API5: variants seen among roughly 807,000 people sequenced by gnomAD.
The protein encoded by API5 is apoptosis inhibitor 5, also known as FIF.
API5 carries 6 observed loss-of-function variants against 71.9 expected under a neutral mutation model. The observed-to-expected ratio is 0.08, with a 90% CI of 0.05 to 0.16. The LOEUF is 0.16. Ranked by LOEUF, API5 falls within the 10% of genes least tolerant of loss-of-function variation. The pLI, the probability that API5 is intolerant of heterozygous loss-of-function variation, is 1.00. For synonymous variants in API5, 189 were observed against 221.3 expected, an observed-to-expected ratio of 0.85 and a Z score of 1.30; for missense variants, 332 against 612.8, an observed-to-expected ratio of 0.54 and a Z score of 4.84.
rs767990325 is a variant in API5, at chr11:43,330,573, G to T, written c.1278+9G>T. 5 of 1,553,424 alleles carry T rather than the reference G, an allele frequency of 3.2e-6. No homozygotes were observed. The South Asian group carries it at 4.5e-5, about 14-fold the overall frequency. Reference sequence around the variant, plus strand: ...TCAATGTTTTAATCAAGGTAAGTCTGTAATACCAAGTGACATTTCTGCAGT... The same window carrying T: ...TCAATGTTTTAATCAAGGTAAGTCTTTAATACCAAGTGACATTTCTGCAGT... On this transcript the variant is annotated intron_variant, in intron 11 of 13. Coordinates refer to ENST00000531273, the MANE Select transcript of API5 (RefSeq NM_001142930.2).
chr11:43,328,558 T>C (rs1268257918), intron 8 of API5, among the ~76,000 whole-genome samples, 154 bp from the exon 9 acceptor site: 2 of 152,198 alleles, frequency 1.3e-5, no homozygotes, highest in South Asian at 2.1e-4. Context: ...GGCTAGAGCA[T>C]TGATCCAGTA....
chr11:43,343,931 G>A lies in API5; in HGVS notation c.*1421G>A, dbSNP rs1855702802. 6.6e-6 allele frequency: 1 copy of A among 152,596 alleles called. No individual in the cohort carries two copies. The highest frequency in any genetic ancestry group is 1.5e-5 in the Non-Finnish European group (1 of 68,046). The allele number at this position is 152,596 out of a possible 1,614,324, so 9.5% of individuals were successfully genotyped here. ...TCATTACCATTACCTCTACACTGCA[G>A]AAGAAGCAAAACTCCTTTATTAGAA... is the stretch of plus-strand genomic sequence containing the variant. On this transcript the variant is annotated 3_prime_UTR_variant, in exon 14 of 14. Coordinates refer to ENST00000531273, the MANE Select transcript of API5 (RefSeq NM_001142930.2).
Position 43,342,747 on chromosome 11 carries a change from A to G in API5, c.*237A>G, listed in dbSNP as rs1315019004. On this transcript the variant is annotated 3_prime_UTR_variant, in exon 14 of 14. Transcript: ENST00000531273. ...TGCAATCTTGACTTGTTTTTGCAGT[A>G]TCATTATTCAGACTTCAAATTGTGA... 3 of 637,934 alleles carry G rather than the reference A, an allele frequency of 4.7e-6. No individual in the cohort carries two copies. The highest frequency in any genetic ancestry group is 8.5e-6 in the Non-Finnish European group (3 of 354,892). The allele number at this position is 637,934 out of a possible 1,614,324, so 39.5% of individuals were successfully genotyped here.
At chr11:43,335,429 G>A in intron 12 of API5, 75 bp downstream of exon 12, 1 of 886,560 alleles carries the variant, frequency 1.1e-6, no homozygotes, top group South Asian at 1.5e-5. Flanking sequence ...TCAAAAGGGT[G>A]CAATGTTAAA....
intron 11 of API5, among the ~76,000 whole-genome samples, chr11:43,333,323 G>T (rs1855320010): frequency 6.6e-6 from 1 of 151,970 alleles, no homozygotes; most frequent in Non-Finnish European, 1.5e-5. Flanking sequence ...AAAGTCTCAG[G>T]GTCCAATTAA....
At chr11:43,341,566 C>T (rs566609593) in intron 13 of API5, among the ~76,000 whole-genome samples, 6 of 151,918 alleles carry the variant, frequency 3.9e-5, no homozygotes, top group South Asian at 2.1e-4. Flanking sequence ...ATTAGGACAG[C>T]GCATACTAGA....
In API5 at chr11:43,327,866, T is replaced by C. The variant is rs1565106937; in HGVS notation, c.933T>C (p.Phe311=). The C allele has an allele frequency of 1.2e-6, 2 of 1,610,840 alleles. No individual in the cohort carries two copies. Among genetic ancestry groups the C allele is most frequent in the Non-Finnish European group, 1.7e-6 (2 of 1,177,888 alleles). The change falls in exon 8 of 14, where the codon TTT becomes TTC. Residue 311 remains phenylalanine, a synonymous_variant. Transcript: ENST00000531273. The stretch of plus-strand genomic sequence containing the variant: ...TAGAAACAAATTTAAGGAAACTATT[T>C]GATAAGTTATTGGTAAGAACTTTTT... ...EKLETNLRKL[F]DKLLEYMPLP...
intron 7 of API5, among the ~76,000 whole-genome samples, chr11:43,326,905 A>G (rs1271087875): frequency 6.6e-6 from 1 of 152,232 alleles, no homozygotes; most frequent in Non-Finnish European, 1.5e-5. Flanking sequence ...CATAACTGAC[A>G]GAGCCAATTT....
At chr11:43,337,531 T>C (rs1275217258) in intron 13 of API5, among the ~76,000 whole-genome samples, 1 of 152,224 alleles carries the variant, frequency 6.6e-6, no homozygotes, top group African/African-American at 2.4e-5. Flanking sequence ...GGATGATCAC[T>C]GAACTCTCTT....
chr11:43,319,067 C>T (rs145152556), intron 2 of API5: 198 of 360,932 alleles, frequency 5.5e-4, no homozygotes, highest in African/African-American at 3.5e-3. Context: ...TTGTGGCTCA[C>T]ATCTTGTTTC....
At chr11:43,327,733 C>A in intron 7 of API5, 56 bp from the exon 8 acceptor site, 1 of 1,226,292 alleles carries the variant, frequency 8.2e-7, no homozygotes, top group Non-Finnish European at 1.2e-6. Context: ...GAATTACTCT[C>A]ATTTCATAAC....
rs542367637 is a variant in API5 at position 43,312,052 on chromosome 11, T to G, written c.-76T>G. On this transcript the variant is annotated 5_prime_UTR_variant, in exon 1 of 14. Coordinates refer to ENST00000531273, the MANE Select transcript of API5 (RefSeq NM_001142930.2). ...GGTGTAATAGTGCGGGTAGTGGGTT[T>G]GGAGAAGTTCCGAGGCGGCGGTGGC... The G allele has an allele frequency of 1.8e-5, 28 of 1,535,224 alleles. No homozygotes were observed. The highest frequency in any genetic ancestry group is 2.4e-5 in the Non-Finnish European group (27 of 1,116,938).
At chr11:43,332,409 G>A (rs1855287280) in intron 11 of API5, among the ~76,000 whole-genome samples, 1 of 152,192 alleles carries the variant, frequency 6.6e-6, no homozygotes, top group African/African-American at 2.4e-5. Context: ...CTTCTGATTG[G>A]CTGGCTATAA....
intron 13 of API5, chr11:43,339,301 TG>T (rs1397363902): frequency 2.0e-5 from 3 of 152,034 alleles, no homozygotes; most frequent in Non-Finnish European, 4.4e-5. Flanking sequence ...GCAAAAAAAT[TG>T]ATTGCAAAAT....
At chr11:43,320,943 C>G in intron 3 of API5, 29 bp downstream of exon 3, 1 of 1,532,704 alleles carries the variant, frequency 6.5e-7, no homozygotes, top group Non-Finnish European at 9.0e-7. Context: ...ACCTTTTTCT[C>G]TAAATATATA....
intron 2 of API5, 130 bp downstream of exon 2, chr11:43,318,931 C>A: frequency 1.2e-6 from 1 of 855,958 alleles, no homozygotes; most frequent in Non-Finnish European, 1.7e-6. Flanking sequence ...CATGGCATCA[C>A]ACCCAGGCTT....
At chr11:43,320,039 TCTC>T (rs1472773773) in intron 2 of API5, among the ~76,000 whole-genome samples, 4 of 148,842 alleles carry the variant, frequency 2.7e-5, no homozygotes, top group African/African-American at 7.4e-5. Flanking sequence ...GAGCAAATTC[TCTC>T]TTTTTTTTTT....
chr11:43,337,197 G>A (rs909285603), intron 13 of API5, among the ~76,000 whole-genome samples: 5 of 151,822 alleles, frequency 3.3e-5, no homozygotes, highest in South Asian at 2.1e-4. Context: ...ATGGTGGCAC[G>A]CACTTATAGT....
At chr11:43,335,725 G>A in intron 12 of API5, 133 bp from the exon 13 acceptor site, 1 of 1,046,152 alleles carries the variant, frequency 9.6e-7, no homozygotes, top group South Asian at 1.9e-5. Flanking sequence ...GACATCAAAT[G>A]TTAATTCCTT....
Sources: allele counts gnomAD v4.1 joint callset (sites outside exome capture counted in the v4.1 genomes callset), GRCh38; gene constraint gnomAD v4.1.1; transcripts MANE v1.5; gene names NCBI Gene and HGNC (gene_info 2026-07-23, HGNC 2026-07-21).